The following SYNPO2 variants were observed in gnomAD, a reference collection of about 807,000 sequenced individuals.
SYNPO2 encodes the protein synaptopodin 2.
A neutral mutation model predicts 85.0 loss-of-function variants in SYNPO2; 56 were observed. The ratio of observed to expected loss-of-function variants is 0.66; its 90% CI spans 0.53 to 0.82. The LOEUF (loss-of-function observed/expected upper bound fraction) is 0.82, where lower values mean the gene tolerates loss of function less well. SYNPO2 is among the 40% of genes least tolerant of loss of function. The pLI is 0.00. For missense variants in SYNPO2, 1,575 were observed against 1,534.2 expected (o/e 1.03, Z -0.44); for synonymous variants, 602 against 591.1 (o/e 1.02, Z -0.27).
At chr4:118,880,229 C>T (rs908023714) in intron 1 of SYNPO2, among the ~76,000 whole-genome samples, 2 of 152,158 alleles carry the variant, frequency 1.3e-5, no homozygotes, top group Admixed American at 6.5e-5. Flanking sequence ...TCTGTCTGGT[C>T]ATTTTATATA....
chr4:118,923,998 T>G (rs1005398919), intron 1 of SYNPO2, among the ~76,000 whole-genome samples: 19 of 152,188 alleles, frequency 1.2e-4, no homozygotes, highest in Non-Finnish European at 2.6e-4. Context: ...CTGGAATAAT[T>G]TGCACTTTTA....
In SYNPO2 at chr4:119,058,429, A is replaced by G. The variant is rs1393427629; in HGVS notation, c.*495A>G. ...ATGCCAGTGAGCAATTACTTTATAAAAATATTTTCCTTGGTGTTAAGTATT... is the reference window on the plus strand; with the variant it reads ...ATGCCAGTGAGCAATTACTTTATAAGAATATTTTCCTTGGTGTTAAGTATT... On this transcript the variant is annotated 3_prime_UTR_variant, in exon 5 of 5. Coordinates refer to ENST00000307142, the MANE Select transcript of SYNPO2 (RefSeq NM_133477.3). The G allele has an allele frequency of 6.6e-6, 1 of 152,108 alleles. No homozygotes were observed. Among genetic ancestry groups the G allele is most frequent in the African/African-American group, 2.4e-5 (1 of 41,218 alleles). 9.4% of individuals were successfully genotyped at this position (152,108 alleles called of 1,614,324 possible). A position where few individuals can be genotyped will look rare whatever the true frequency, so the allele number is the denominator to read the frequency against.
chr4:118,957,521 A>C (rs1326784441), intron 1 of SYNPO2, among the ~76,000 whole-genome samples: 1 of 152,168 alleles, frequency 6.6e-6, no homozygotes, highest in African/African-American at 2.4e-5. Flanking sequence ...GTAAAGGTGG[A>C]CATAATAACC....
intron 1 of SYNPO2, among the ~76,000 whole-genome samples, chr4:118,982,498 A>G (rs1736066743): frequency 6.6e-6 from 1 of 152,142 alleles, no homozygotes; most frequent in Non-Finnish European, 1.5e-5. Flanking sequence ...AGAGAAAATA[A>G]AAGAGGGGGA....
intron 1 of SYNPO2, among the ~76,000 whole-genome samples, chr4:118,942,216 A>T (rs1196418936): frequency 6.6e-6 from 1 of 152,232 alleles, no homozygotes; most frequent in Non-Finnish European, 1.5e-5. Context: ...AATATAAAAA[A>T]CATGATTAAT....
At chr4:119,018,129 T>C (rs1737587554) in intron 1 of SYNPO2, among the ~76,000 whole-genome samples, 1 of 152,150 alleles carries the variant, frequency 6.6e-6, no homozygotes. Context: ...CACTTGGTGT[T>C]GGTAAAACAA....
intron 1 of SYNPO2, among the ~76,000 whole-genome samples, chr4:118,873,645 A>G (rs796109398): frequency 1.6e-4 from 25 of 152,160 alleles, no homozygotes; most frequent in African/African-American, 4.8e-4. Context: ...CTCCCATTCC[A>G]CAGGTTGTGT....
intron 3 of SYNPO2, among the ~76,000 whole-genome samples, chr4:119,027,868 T>C (rs1021485483): frequency 1.1e-4 from 15 of 142,044 alleles, no homozygotes; most frequent in Admixed American, 8.7e-4. Context: ...CTACCATTGA[T>C]ATCAAAAGCA....
intron 1 of SYNPO2, among the ~76,000 whole-genome samples, chr4:118,989,945 T>G (rs938225476): frequency 6.6e-6 from 1 of 152,212 alleles, no homozygotes; most frequent in Non-Finnish European, 1.5e-5. Flanking sequence ...AATTCAGATG[T>G]TAAATCTTTC....
At chr4:118,933,834 T>TTTTTG (rs1734013878) in intron 1 of SYNPO2, among the ~76,000 whole-genome samples, 2 of 147,120 alleles carry the variant, frequency 1.4e-5, no homozygotes, top group Non-Finnish European at 3.0e-5. Context: ...TTGTTGTTTT[T>TTTTTG]TTTTTTTTTT....
At chr4:118,924,926 T>C (rs535801507) in intron 1 of SYNPO2, among the ~76,000 whole-genome samples, 1 of 152,196 alleles carries the variant, frequency 6.6e-6, no homozygotes, top group African/African-American at 2.4e-5. Flanking sequence ...TACTGGTTTA[T>C]AGAAAATTAT....
chr4:119,032,073 T>C, intron 4 of SYNPO2, 46 bp downstream of exon 4: 1 of 1,601,236 alleles, frequency 6.2e-7, no homozygotes, highest in Non-Finnish European at 8.5e-7. Flanking sequence ...TAGCTGAAGC[T>C]GAGTGTCCAC....
At chr4:119,039,806 C>T (rs1424944904) in intron 4 of SYNPO2, among the ~76,000 whole-genome samples, 1 of 151,762 alleles carries the variant, frequency 6.6e-6, no homozygotes, top group Non-Finnish European at 1.5e-5. Context: ...AAAAAGAAGA[C>T]AAGACTTTTT....
At chr4:118,868,128 T>A (rs548927138) in intron 1 of SYNPO2, among the ~76,000 whole-genome samples, 2 of 120,098 alleles carry the variant, frequency 1.7e-5, no homozygotes, top group Admixed American at 9.4e-5. Context: ...TTTTGTGCAA[T>A]GGTTCTGTTG....
chr4:118,979,849 T>C (rs565725844), intron 1 of SYNPO2, among the ~76,000 whole-genome samples: 1 of 152,342 alleles, frequency 6.6e-6, no homozygotes, highest in Admixed American at 6.5e-5. Context: ...GTCAGGAAGT[T>C]TCTTCCGCAC....
Position 119,031,664 on chromosome 4 carries a change from T to G in SYNPO2, c.2889T>G (p.Asp963Glu), listed in dbSNP as rs571217356. 1 of 1,614,156 alleles carries G rather than the reference T, an allele frequency of 6.2e-7. No individual in the cohort carries two copies. The highest frequency in any genetic ancestry group is 8.5e-7 in the Non-Finnish European group (1 of 1,180,030). Reference sequence around the variant, plus strand: ...GAAAGAAACCCCTCAATGCATTAGATGTCATGAAGCACCAACCGTATCAGC... The same window carrying G: ...GAAAGAAACCCCTCAATGCATTAGAGGTCATGAAGCACCAACCGTATCAGC... ...KKGKKPLNALDVMKHQPYQLN... is the reference protein window; with the variant it reads ...KKGKKPLNALEVMKHQPYQLN... The change falls in exon 4 of 5, where the codon GAT becomes GAG. Residue 963 changes from aspartate (D) to glutamate (E), a missense_variant. Asp to Glu is a conservative substitution (Grantham distance 45, BLOSUM62 2). Coordinates refer to ENST00000307142, the MANE Select transcript of SYNPO2 (RefSeq NM_133477.3).
intron 4 of SYNPO2, among the ~76,000 whole-genome samples, chr4:119,054,268 C>T (rs1343541159): frequency 6.6e-6 from 1 of 152,228 alleles, no homozygotes; most frequent in Non-Finnish European, 1.5e-5. Flanking sequence ...GTTCTGCCGT[C>T]CACAGACGGT....
intron 1 of SYNPO2, among the ~76,000 whole-genome samples, chr4:118,875,782 G>A (rs62329303): frequency 0.15 from 22,359 of 152,204 alleles, 1,738 homozygotes; most frequent in East Asian, 0.21. Context: ...CAATGTGTTG[G>A]TGTTGTGGTA....
At chr4:118,983,625 G>A (rs1736112454) in intron 1 of SYNPO2, among the ~76,000 whole-genome samples, 2 of 152,092 alleles carry the variant, frequency 1.3e-5, no homozygotes, top group South Asian at 4.1e-4. Flanking sequence ...TTTCTCCTTA[G>A]TCTCTGTTGG....
Sources: allele counts gnomAD v4.1 joint callset (sites outside exome capture counted in the v4.1 genomes callset), GRCh38; gene constraint gnomAD v4.1.1; transcripts MANE v1.5; gene names NCBI Gene and HGNC (gene_info 2026-07-23, HGNC 2026-07-21).